Variants in AKAP19 observed in about 807,000 individuals in gnomAD.
The protein encoded by AKAP19 is small A-kinase anchoring protein.
chr2:189,997,380 G>A, the AKAP19 span, among the ~76,000 whole-genome samples: 55 of 152,308 alleles, frequency 3.6e-4, no homozygotes, highest in African/African-American at 1.3e-3. Context: ...AGGTACTGGG[G>A]CAGGTAGAGA....
chr2:190,010,070 C>A, the AKAP19 span, among the ~76,000 whole-genome samples: 7 of 152,122 alleles, frequency 4.6e-5, no homozygotes, highest in African/African-American at 1.7e-4. Flanking sequence ...ACACCATGCT[C>A]ATGTGTTGAC....
chr2:190,073,475 T>C, the AKAP19 span, among the ~76,000 whole-genome samples: 1 of 152,146 alleles, frequency 6.6e-6, no homozygotes, highest in Non-Finnish European at 1.5e-5. Context: ...AGGTCTCCTT[T>C]TGAAGTTGTG....
At chr2:190,134,804 A>G in the AKAP19 span, among the ~76,000 whole-genome samples, 3 of 152,042 alleles carry the variant, frequency 2.0e-5, no homozygotes, top group Admixed American at 2.0e-4. Context: ...CTGTATTACT[A>G]TTCTATATTG....
chr2:189,887,897 T>C, the AKAP19 span, among the ~76,000 whole-genome samples: 1 of 152,184 alleles, frequency 6.6e-6, no homozygotes, highest in Admixed American at 6.5e-5. Context: ...TTTCTCCCAT[T>C]GTGTAGGTTG....
chr2:189,973,254 G>T, the AKAP19 span, among the ~76,000 whole-genome samples: 5 of 152,124 alleles, frequency 3.3e-5, no homozygotes, highest in African/African-American at 1.2e-4. Context: ...GTGTTTTTTT[G>T]TCTTTAGTTC....
At chr2:189,992,163 C>A in the AKAP19 span, among the ~76,000 whole-genome samples, 5 of 151,148 alleles carry the variant, frequency 3.3e-5, no homozygotes, top group Non-Finnish European at 5.9e-5. Context: ...TCAAGCAATT[C>A]TCCTGTCTCA....
the AKAP19 span, among the ~76,000 whole-genome samples, chr2:190,036,612 TA>T: frequency 6.6e-6 from 1 of 151,870 alleles, no homozygotes; most frequent in Non-Finnish European, 1.5e-5. Flanking sequence ...TTTTTTTCAT[TA>T]GAATTTTGAA....
the AKAP19 span, among the ~76,000 whole-genome samples, chr2:190,069,173 T>TGA: frequency 0.021 from 2,069 of 98,808 alleles, 11 homozygotes; most frequent in Non-Finnish European, 0.033. Context: ...TGTGTGTGTG[T>TGA]GTGAGAGAGA....
chr2:190,070,196 A>G, the AKAP19 span, among the ~76,000 whole-genome samples: 2 of 152,196 alleles, frequency 1.3e-5, no homozygotes, highest in African/African-American at 4.8e-5. Context: ...CAATTAGTAT[A>G]GGAGTTTTAA....
chr2:189,904,013 G>T, the AKAP19 span, among the ~76,000 whole-genome samples: 1 of 152,062 alleles, frequency 6.6e-6, no homozygotes, highest in South Asian at 2.1e-4. Context: ...AGTCATTTTT[G>T]TGTGGAAAAA....
chr2:190,113,014 A>C, the AKAP19 span, among the ~76,000 whole-genome samples: 1 of 152,074 alleles, frequency 6.6e-6, no homozygotes, highest in Non-Finnish European at 1.5e-5. Context: ...TGGGAAATTT[A>C]GAAATTTAGA....
At chr2:189,955,402 A>G in the AKAP19 span, among the ~76,000 whole-genome samples, 1 of 152,246 alleles carries the variant, frequency 6.6e-6, no homozygotes, top group South Asian at 2.1e-4. Context: ...CGACTTTGCT[A>G]TTGTGAATAG....
the AKAP19 span, among the ~76,000 whole-genome samples, chr2:189,982,641 CTGT>C: frequency 6.9e-6 from 1 of 145,230 alleles, no homozygotes; most frequent in Non-Finnish European, 1.5e-5. Flanking sequence ...TTTGAATTTG[CTGT>C]TGTTTGGATG....
the AKAP19 span, among the ~76,000 whole-genome samples, chr2:190,145,693 C>T: frequency 1.3e-5 from 2 of 152,052 alleles, no homozygotes; most frequent in Non-Finnish European, 2.9e-5. Flanking sequence ...GAGTTTCTAA[C>T]TAGGTTTGTG....
chr2:190,105,768 G>C, the AKAP19 span, among the ~76,000 whole-genome samples: 2 of 152,176 alleles, frequency 1.3e-5, no homozygotes, highest in Non-Finnish European at 2.9e-5. Context: ...TCCTGTCTCT[G>C]AAATCCTGGC....
At chr2:190,090,128 A>ATAT in the AKAP19 span, among the ~76,000 whole-genome samples, 17 of 152,126 alleles carry the variant, frequency 1.1e-4, no homozygotes, top group African/African-American at 3.9e-4. Context: ...GGAGAGACTG[A>ATAT]TATTACCCTT....
the AKAP19 span, among the ~76,000 whole-genome samples, chr2:190,049,523 C>T: frequency 6.6e-6 from 1 of 152,180 alleles, no homozygotes; most frequent in East Asian, 1.9e-4. Context: ...TTTTCACGAA[C>T]CCACATGCAG....
chr2:190,161,073 CAG>C, the AKAP19 span, among the ~76,000 whole-genome samples: 1 of 152,054 alleles, frequency 6.6e-6, no homozygotes, highest in African/African-American at 2.4e-5. Context: ...GGGCCAAAAC[CAG>C]AGTTTCAACA....
chr2:190,004,462 ATC>A, the AKAP19 span, among the ~76,000 whole-genome samples: 2 of 124,546 alleles, frequency 1.6e-5, no homozygotes, highest in Non-Finnish European at 3.7e-5. Flanking sequence ...TCCCTTTGAT[ATC>A]TCTACCTTAT....
Sources: allele counts gnomAD v4.1 joint callset (sites outside exome capture counted in the v4.1 genomes callset), GRCh38; gene constraint gnomAD v4.1.1; transcripts MANE v1.5; gene names NCBI Gene and HGNC (gene_info 2026-07-23, HGNC 2026-07-21).